Variants in CDH13 observed in about 807,000 individuals in gnomAD.
The protein encoded by CDH13 is cadherin 13.
A neutral mutation model predicts 63.8 loss-of-function variants in CDH13; 24 were observed. The ratio of observed to expected loss-of-function variants is 0.38; its 90% confidence interval spans 0.27 to 0.53. CDH13 has a LOEUF of 0.53. CDH13 is among the 20% of genes least tolerant of loss of function. The probability of loss-of-function intolerance (pLI) is 0.85; values close to 1 mark genes in which losing one functional copy is unlikely to be tolerated. For missense variants in CDH13, 1,049 were observed against 903.1 expected, an observed-to-expected ratio of 1.16 and a Z score of -2.07; for synonymous variants, 503 against 355.3, an observed-to-expected ratio of 1.42 and a Z score of -4.67.
chr16:82,744,639 C>G (rs1421070905), intron 1 of CDH13, among the ~76,000 whole-genome samples: 2 of 152,090 alleles, frequency 1.3e-5, no homozygotes, highest in African/African-American at 4.8e-5. Context: ...AAGATCTCCC[C>G]TCCCTACTAC....
chr16:83,007,077 C>A (rs35635328), intron 2 of CDH13, among the ~76,000 whole-genome samples: 3 of 152,092 alleles, frequency 2.0e-5, no homozygotes, highest in Non-Finnish European at 4.4e-5. Context: ...GCATGCACCA[C>A]GCCCAGCTAA....
intron 1 of CDH13, among the ~76,000 whole-genome samples, chr16:82,660,199 G>A (rs567848956): frequency 1.3e-5 from 2 of 152,194 alleles, no homozygotes; most frequent in Non-Finnish European, 2.9e-5. Flanking sequence ...ACGGGAACCA[G>A]GGAATCTCAA....
chr16:83,078,596 G>C lies in CDH13; in HGVS notation c.366+46378G>C, dbSNP rs140796722. 1.2e-3 allele frequency among the ~76,000 whole-genome samples: 190 copies of C among 152,306 alleles called. 2 individuals carry two copies. Among genetic ancestry groups the C allele is most frequent in the African/African-American group, 4.3e-3 (179 of 41,566 alleles). On this transcript the variant is annotated intron_variant, in intron 3 of 13. Transcript: ENST00000567109. The stretch of plus-strand genomic sequence containing the variant: ...CAGGTTCCTAACAGGCCACAGACCA[G>C]TACCGGTCCATGGCCGAGGAGTTGG...
intron 5 of CDH13, among the ~76,000 whole-genome samples, chr16:83,311,724 T>C (rs2090004399): frequency 6.6e-6 from 1 of 152,204 alleles, no homozygotes; most frequent in Non-Finnish European, 1.5e-5. Flanking sequence ...CAGAACGCTC[T>C]TTTCTTCAAA....
At chr16:82,809,777 G>C (rs534653443) in intron 1 of CDH13, among the ~76,000 whole-genome samples, 59 of 152,194 alleles carry the variant, frequency 3.9e-4, no homozygotes, top group African/African-American at 1.3e-3. Flanking sequence ...CGTTTTCTGA[G>C]CCGTTTCGCT....
At chr16:83,200,965 G>C (rs62041816) in intron 4 of CDH13, among the ~76,000 whole-genome samples, 6,159 of 144,328 alleles carry the variant, frequency 0.043, 124 homozygotes, top group South Asian at 0.072. Flanking sequence ...GTGTGTGTGT[G>C]TGTGTGTTAT....
intron 4 of CDH13, among the ~76,000 whole-genome samples, chr16:83,197,908 G>T (rs545278348): frequency 1.3e-5 from 2 of 152,156 alleles, no homozygotes; most frequent in Admixed American, 1.3e-4. Context: ...TATTTTAATT[G>T]TGACATTGTA....
rs150563585 is a variant in CDH13, at chr16:83,368,884, TTATATATATATATATA to T, written c.781+23917_781+23932del. Among the ~76,000 whole-genome samples the T allele has an allele frequency of 6.6e-3, 316 of 47,646 alleles. 5 individuals carry two copies. The highest frequency in any genetic ancestry group is 0.026 in the Middle Eastern group (2 of 78). The allele number at this position is 47,646 out of a possible 152,430, so 31.3% of individuals were successfully genotyped here. ...TATGGCTGAGTAGTAGTATTCCATGTTATATATATATATATATATATATATATATATATATATATAT... is the reference window on the plus strand; with the variant it reads ...TATGGCTGAGTAGTAGTATTCCATGTTATATATATATATATATATATATAT... On this transcript the variant is annotated intron_variant, in intron 6 of 13. Coordinates refer to ENST00000567109, the MANE Select transcript of CDH13 (RefSeq NM_001257.5).
chr16:83,382,832 T>C (rs1413759065), intron 6 of CDH13, among the ~76,000 whole-genome samples: 1 of 152,126 alleles, frequency 6.6e-6, no homozygotes, highest in African/African-American at 2.4e-5. Flanking sequence ...GACTTTGCAC[T>C]CCCCTCTGAC....
intron 2 of CDH13, among the ~76,000 whole-genome samples, chr16:82,861,862 C>T (rs1397021097): frequency 6.6e-6 from 1 of 152,232 alleles, no homozygotes; most frequent in African/African-American, 2.4e-5. Context: ...GGGCTCTTCA[C>T]TGCATCTTTC....
intron 4 of CDH13, among the ~76,000 whole-genome samples, chr16:83,142,154 GTTTTTGTTTTTTTT>G (rs1488197196): frequency 6.2e-5 from 7 of 113,624 alleles, no homozygotes; most frequent in African/African-American, 2.3e-4. Flanking sequence ...TTGTTTGTTT[GTTTTTGTTTTTTTT>G]TTTTTTTTTT....
intron 11 of CDH13, among the ~76,000 whole-genome samples, chr16:83,753,473 T>A (rs1409902642): frequency 3.9e-5 from 6 of 152,056 alleles, no homozygotes; most frequent in Non-Finnish European, 8.8e-5. Context: ...TGAACCCAGG[T>A]AGGTCAAGGC....
intron 6 of CDH13, among the ~76,000 whole-genome samples, chr16:83,385,357 T>C (rs1207190791): frequency 6.6e-6 from 1 of 152,120 alleles, no homozygotes. Flanking sequence ...GATAAATGAA[T>C]CTCCCAGCAG....
At chr16:83,108,609 G>T (rs1347078921) in intron 3 of CDH13, among the ~76,000 whole-genome samples, 1 of 152,124 alleles carries the variant, frequency 6.6e-6, no homozygotes, top group Non-Finnish European at 1.5e-5. Context: ...TATAGAAAGA[G>T]TTGGTCGGGA....
At chr16:82,769,691 T>G (rs190005610) in intron 1 of CDH13, among the ~76,000 whole-genome samples, 1 of 152,232 alleles carries the variant, frequency 6.6e-6, no homozygotes, top group East Asian at 1.9e-4. Context: ...GATTTTACTT[T>G]ATGTTTGCAA....
At chr16:83,716,346 A>G (rs1380778948) in intron 10 of CDH13, among the ~76,000 whole-genome samples, 1 of 152,234 alleles carries the variant, frequency 6.6e-6, no homozygotes, top group Non-Finnish European at 1.5e-5. Context: ...GGGCAAATGT[A>G]TAACAGCATG....
intron 2 of CDH13, among the ~76,000 whole-genome samples, chr16:83,020,330 CTCAT>C (rs1370259697): frequency 2.6e-5 from 4 of 152,162 alleles, no homozygotes; most frequent in Non-Finnish European, 5.9e-5. Context: ...TCCATGTCCT[CTCAT>C]TCTGGCCTCT....
chr16:83,371,683 A>C (rs1377848324), intron 6 of CDH13, among the ~76,000 whole-genome samples: 1 of 152,232 alleles, frequency 6.6e-6, no homozygotes, highest in Non-Finnish European at 1.5e-5. Context: ...TAATAGTGGT[A>C]CTGTCAATAC....
intron 2 of CDH13, chr16:82,884,398 CCTT>C (rs2040812038): frequency 2.9e-6 from 1 of 340,110 alleles, no homozygotes; most frequent in Non-Finnish European, 5.8e-6. Flanking sequence ...AAATGAGACT[CCTT>C]CTGTTGTCTG....
Sources: gnomAD v4.1 joint callset for allele counts (sites outside exome capture counted in the v4.1 genomes callset) on GRCh38, gnomAD v4.1.1 for gene constraint, MANE v1.5 for transcripts, NCBI Gene and HGNC (gene_info 2026-07-23, HGNC 2026-07-21) for gene names.